Variants in PAFAH2 observed in about 807,000 individuals in gnomAD.
PAFAH2 encodes platelet activating factor acetylhydrolase 2.
Under a neutral mutation model 49.0 loss-of-function variants are expected in PAFAH2, and 42 were observed. That is an observed-to-expected ratio of 0.86 (90% CI 0.67 to 1.11). The LOEUF (loss-of-function observed/expected upper bound fraction) is 1.11. PAFAH2 is among the 50% of genes least tolerant of loss of function. The pLI is 0.00. For synonymous variants in PAFAH2, 184 were observed against 181.3 expected, an observed-to-expected ratio of 1.01 and a Z score of -0.12; for missense variants, 503 against 501.8, an observed-to-expected ratio of 1.00 and a Z score of -0.02.
chr1:25,979,543 A>C (rs1359705604), intron 7 of PAFAH2, among the ~76,000 whole-genome samples: 1 of 152,050 alleles, frequency 6.6e-6, no homozygotes, highest in Non-Finnish European at 1.5e-5. Context: ...ACTGGAGTGC[A>C]ATGGTGTGGT....
At chr1:25,988,418 T>C (rs2049819059) in intron 3 of PAFAH2, 91 bp from the exon 4 acceptor site, 1 of 890,254 alleles carries the variant, frequency 1.1e-6, no homozygotes, top group African/African-American at 1.7e-5. Context: ...GGGACATGTG[T>C]TTCTCCCCTC....
intron 10 of PAFAH2, among the ~76,000 whole-genome samples, chr1:25,966,335 C>T (rs548924516): frequency 1.3e-5 from 2 of 152,166 alleles, no homozygotes; most frequent in Non-Finnish European, 2.9e-5. Context: ...TATCACAGCA[C>T]TAGCCACAAT....
intron 1 of PAFAH2, among the ~76,000 whole-genome samples, chr1:25,996,503 C>T (rs2049939014): frequency 6.6e-6 from 1 of 152,030 alleles, no homozygotes; most frequent in Admixed American, 6.6e-5. Flanking sequence ...TTAGCTGGGC[C>T]TGGTGGCGGG....
At chr1:25,980,131 C>T (rs1442109903) in intron 7 of PAFAH2, among the ~76,000 whole-genome samples, 1 of 152,232 alleles carries the variant, frequency 6.6e-6, no homozygotes, top group African/African-American at 2.4e-5. Flanking sequence ...TTGGGGCACA[C>T]AGCTTAGGCT....
chr1:25,962,278 T>A (rs2124307946), intron 10 of PAFAH2, among the ~76,000 whole-genome samples, 195 bp from the exon 11 acceptor site: 1 of 152,278 alleles, frequency 6.6e-6, no homozygotes, highest in Admixed American at 6.5e-5. Flanking sequence ...ATGACTTACA[T>A]AATCCATAAC....
chr1:25,979,509 T>TG (rs1319545752), intron 7 of PAFAH2, among the ~76,000 whole-genome samples: 1 of 151,962 alleles, frequency 6.6e-6, no homozygotes, highest in African/African-American at 2.4e-5. Context: ...TTTTTTGAGA[T>TG]GGAGTTTTGC....
chr1:25,988,905 C>T (rs933998587), intron 3 of PAFAH2, among the ~76,000 whole-genome samples: 1 of 150,534 alleles, frequency 6.6e-6, no homozygotes, highest in Non-Finnish European at 1.5e-5. Flanking sequence ...GATGCCAAGG[C>T]ACTGGGTGGA....
intron 1 of PAFAH2, among the ~76,000 whole-genome samples, chr1:25,992,858 G>A (rs750546620): frequency 6.6e-5 from 10 of 152,178 alleles, no homozygotes; most frequent in South Asian, 2.1e-4. Flanking sequence ...AAAAGTGCGC[G>A]TATGGCATTA....
chr1:25,976,705 AG>A lies in PAFAH2; in HGVS notation c.734del (p.Ala245ValfsTer49). The A allele has an allele frequency of 1.9e-6, 3 of 1,614,228 alleles. No individual in the cohort carries two copies. Among genetic ancestry groups the A allele is most frequent in the Non-Finnish European group, 2.5e-6 (3 of 1,180,006 alleles). The stretch of plus-strand genomic sequence containing the variant: ...ACCGAAATTGGGTCTCCTTGGCCAA[AG>A]CCAGAATAGCTGTGGCCCCTCCAAA... ...HSFGGATAILALAKETQFRCA... is the reference protein window; with the variant it reads ...HSFGGATAILXLAKETQFRCA... On this transcript the variant is annotated frameshift_variant, in exon 8 of 11. Transcript: ENST00000374282. LOFTEE classifies it high-confidence loss of function.
At chr1:25,987,447 T>C (rs889535125) in intron 4 of PAFAH2, among the ~76,000 whole-genome samples, 2 of 150,634 alleles carry the variant, frequency 1.3e-5, no homozygotes, top group Non-Finnish European at 3.0e-5. Flanking sequence ...TAAGAACACA[T>C]GGGGCCGGGC....
chr1:25,967,940 C>T (rs989756584), intron 10 of PAFAH2, among the ~76,000 whole-genome samples: 12 of 151,934 alleles, frequency 7.9e-5, no homozygotes, highest in Non-Finnish European at 1.2e-4. Context: ...CCGAGGTGGG[C>T]GGATGACTTG....
intron 10 of PAFAH2, among the ~76,000 whole-genome samples, chr1:25,969,844 G>C (rs1293607496): frequency 6.6e-6 from 1 of 152,056 alleles, no homozygotes. Flanking sequence ...TGCCTATGAG[G>C]GGACAGGGGA....
At chr1:25,992,361 G>A (rs2049888151) in intron 1 of PAFAH2, among the ~76,000 whole-genome samples, 1 of 152,286 alleles carries the variant, frequency 6.6e-6, no homozygotes, top group East Asian at 1.9e-4. Context: ...GTAGGGAAAA[G>A]TATGATGTGG....
intron 10 of PAFAH2, among the ~76,000 whole-genome samples, chr1:25,963,886 G>A (rs1322940059): frequency 6.6e-6 from 1 of 152,194 alleles, no homozygotes; most frequent in Non-Finnish European, 1.5e-5. Flanking sequence ...GTGGGAGTGT[G>A]CCACGAGACT....
chr1:25,987,904 T>C (rs1053967692), intron 4 of PAFAH2, among the ~76,000 whole-genome samples: 4 of 151,872 alleles, frequency 2.6e-5, no homozygotes, highest in African/African-American at 9.7e-5. Flanking sequence ...AATAGATAAA[T>C]AAATGATGCT....
chr1:25,968,869 A>G (rs1158016847), intron 10 of PAFAH2, among the ~76,000 whole-genome samples: 1 of 152,120 alleles, frequency 6.6e-6, no homozygotes, highest in Non-Finnish European at 1.5e-5. Flanking sequence ...TGCTGGGATT[A>G]TAGACGTGAG....
intron 10 of PAFAH2, among the ~76,000 whole-genome samples, chr1:25,966,606 C>G (rs977678907): frequency 2.6e-5 from 4 of 152,042 alleles, no homozygotes; most frequent in Non-Finnish European, 4.4e-5. Flanking sequence ...AAATAAGACA[C>G]TGGAGACTCC....
intron 1 of PAFAH2, among the ~76,000 whole-genome samples, chr1:25,996,598 C>T (rs562450967): frequency 8.6e-5 from 13 of 151,466 alleles, no homozygotes; most frequent in Middle Eastern, 3.5e-3. Flanking sequence ...GCCGAGATCG[C>T]GCTACTGCAC....
Position 25,984,498 on chromosome 1 carries a change from C to T in PAFAH2, c.372G>A (p.Leu124=), listed in dbSNP as rs746318383. Residue 124 remains leucine (L), a synonymous_variant, in exon 5 of 11, where the codon CTG becomes CTA. Coordinates refer to ENST00000374282, the MANE Select transcript of PAFAH2 (RefSeq NM_000437.4). ...CAGCAACCACAAAGCCACGTGAGGC[C>T]AGCTCCATGCAGAAGGCTGAATACA... ...RTLYSAFCME[L]ASRGFVVAVP... is the part of the protein sequence containing the mutation. 2.5e-6 allele frequency: 4 copies of T among 1,613,770 alleles called. No homozygotes were observed. The African/African-American group carries it at 5.3e-5, about 22-fold the overall frequency.
Sources: allele counts gnomAD v4.1 joint callset (sites outside exome capture counted in the v4.1 genomes callset), GRCh38; gene constraint gnomAD v4.1.1; transcripts MANE v1.5; gene names NCBI Gene and HGNC (gene_info 2026-07-23, HGNC 2026-07-21).